The following CSMD1 variants were observed in gnomAD, a reference collection of about 807,000 sequenced individuals.
CSMD1 encodes the protein CUB and Sushi multiple domains 1, also known as CUB and sushi domain-containing protein 1.
CSMD1 carries 213 observed loss-of-function variants against 417.5 expected under a neutral mutation model. The ratio of observed to expected loss-of-function variants is 0.51; its 90% CI spans 0.46 to 0.57. CSMD1 has a LOEUF of 0.57. CSMD1 is among the 20% of genes least tolerant of loss of function. The pLI, the probability that CSMD1 is intolerant of heterozygous loss-of-function variation, is 0.00. For missense variants in CSMD1, 6,923 were observed against 4,529.7 expected, an observed-to-expected ratio of 1.53 and a Z score of -15.17; for synonymous variants, 2,862 against 1,736.8, an observed-to-expected ratio of 1.65 and a Z score of -16.11.
intron 3 of CSMD1, among the ~76,000 whole-genome samples, chr8:4,417,238 G>C (rs1585042635): frequency 6.6e-6 from 1 of 151,924 alleles, no homozygotes; most frequent in Non-Finnish European, 1.5e-5. Flanking sequence ...TAAATTCAAT[G>C]ACTGAACACG....
At chr8:4,641,842 C>T (rs967121021) in intron 1 of CSMD1, among the ~76,000 whole-genome samples, 9 of 151,972 alleles carry the variant, frequency 5.9e-5, no homozygotes, top group African/African-American at 1.9e-4. Context: ...TAATCAATGC[C>T]CATTGAAGGA....
intron 5 of CSMD1, among the ~76,000 whole-genome samples, chr8:3,806,789 A>C (rs1001700087): frequency 2.4e-4 from 37 of 152,352 alleles, no homozygotes; most frequent in Admixed American, 2.1e-3. Flanking sequence ...TTAGCTACTA[A>C]ATACTAGGTG....
intron 1 of CSMD1, among the ~76,000 whole-genome samples, chr8:4,785,876 G>T (rs1006459339): frequency 6.6e-6 from 1 of 152,038 alleles, no homozygotes; most frequent in Non-Finnish European, 1.5e-5. Flanking sequence ...GACACAACGG[G>T]GCCTGGATTT....
chr8:3,092,036 A>G (rs1277330056), intron 47 of CSMD1, among the ~76,000 whole-genome samples: 1 of 152,224 alleles, frequency 6.6e-6, no homozygotes, highest in East Asian at 1.9e-4. Flanking sequence ...AAAGTAGTAG[A>G]ATCACTTTGG....
chr8:2,986,696 G>T (rs989924584), intron 54 of CSMD1, among the ~76,000 whole-genome samples: 1 of 152,002 alleles, frequency 6.6e-6, no homozygotes, highest in African/African-American at 2.4e-5. Context: ...AGTAGAGACG[G>T]GTTTTCACTC....
chr8:3,693,546 C>A (rs994738297), intron 7 of CSMD1, among the ~76,000 whole-genome samples: 8 of 152,078 alleles, frequency 5.3e-5, no homozygotes, highest in Non-Finnish European at 1.0e-4. Flanking sequence ...TTACTGAGCC[C>A]TACAATGTCC....
intron 7 of CSMD1, among the ~76,000 whole-genome samples, chr8:3,678,117 G>A (rs1799474095): frequency 6.6e-6 from 1 of 152,128 alleles, no homozygotes; most frequent in Non-Finnish European, 1.5e-5. Context: ...CGACGCAGAA[G>A]ACAGGTGATT....
chr8:4,211,087 C>G (rs1252493809), intron 3 of CSMD1, among the ~76,000 whole-genome samples: 3 of 151,880 alleles, frequency 2.0e-5, no homozygotes, highest in African/African-American at 7.3e-5. Flanking sequence ...TATCATTGTA[C>G]ATTACATTTT....
intron 1 of CSMD1, among the ~76,000 whole-genome samples, chr8:4,898,066 G>C (rs1479866929): frequency 6.6e-6 from 1 of 152,074 alleles, no homozygotes; most frequent in Non-Finnish European, 1.5e-5. Flanking sequence ...TTATTAGTTG[G>C]AAATATTTAG....
chr8:3,556,408 T>TACACACACAC (rs1308023639), intron 10 of CSMD1, among the ~76,000 whole-genome samples: 2 of 134,636 alleles, frequency 1.5e-5, no homozygotes, highest in African/African-American at 6.6e-5. Flanking sequence ...TATATATATA[T>TACACACACAC]ATATATTCAC....
At position 3,947,563 on chromosome 8, in the gene CSMD1, G is replaced by C. The variant is rs182484129; in HGVS notation, c.818+50340C>G. Among the ~76,000 whole-genome samples the C allele has an allele frequency of 5.8e-4, 88 of 152,026 alleles. 1 individual carries two copies. Among genetic ancestry groups the C allele is most frequent in the South Asian group, 2.9e-3 (14 of 4,808 alleles). On this transcript the variant is annotated intron_variant, in intron 5 of 69. Coordinates refer to ENST00000635120, the MANE Select transcript of CSMD1 (RefSeq NM_033225.6). Reference sequence around the variant, plus strand: ...ACCCACGGGAAAGCTCCTTATATTTGGAAATTAAATAAACCATGGGTTATA... The same window carrying C: ...ACCCACGGGAAAGCTCCTTATATTTCGAAATTAAATAAACCATGGGTTATA...
chr8:3,182,367 A>G (rs1821390104), intron 36 of CSMD1, among the ~76,000 whole-genome samples: 1 of 152,110 alleles, frequency 6.6e-6, no homozygotes, highest in African/African-American at 2.4e-5. Context: ...GGCATGCTCC[A>G]CCATGTCCTG....
intron 12 of CSMD1, among the ~76,000 whole-genome samples, chr8:3,423,434 C>T (rs747697402): frequency 6.6e-6 from 1 of 152,202 alleles, no homozygotes; most frequent in Non-Finnish European, 1.5e-5. Flanking sequence ...AGGGTACACA[C>T]ATTTTTGTCT....
chr8:3,963,418 T>G (rs1015962417), intron 5 of CSMD1, among the ~76,000 whole-genome samples: 5 of 152,170 alleles, frequency 3.3e-5, no homozygotes, highest in African/African-American at 4.8e-5. Flanking sequence ...CTAAGTAGCT[T>G]GAAAATATCT....
chr8:3,294,980 A>G (rs1035642760), intron 25 of CSMD1, among the ~76,000 whole-genome samples: 1 of 152,018 alleles, frequency 6.6e-6, no homozygotes, highest in Non-Finnish European at 1.5e-5. Context: ...CATCCCATTT[A>G]TATTTTTAGA....
At chr8:4,505,373 T>G (rs1016252608) in intron 2 of CSMD1, among the ~76,000 whole-genome samples, 1 of 152,220 alleles carries the variant, frequency 6.6e-6, no homozygotes, top group Non-Finnish European at 1.5e-5. Flanking sequence ...CCTAATTCTG[T>G]AAATAAATTT....
At chr8:2,985,646 TCAAA>T (rs1264820694) in intron 54 of CSMD1, among the ~76,000 whole-genome samples, 1 of 152,200 alleles carries the variant, frequency 6.6e-6, no homozygotes, top group East Asian at 1.9e-4. Flanking sequence ...AGGGCACTGT[TCAAA>T]CAAACATTGT....
At chr8:4,853,578 C>G (rs939604862) in intron 1 of CSMD1, among the ~76,000 whole-genome samples, 11 of 152,296 alleles carry the variant, frequency 7.2e-5, no homozygotes, top group Non-Finnish European at 1.5e-4. Flanking sequence ...AAGGTAGAGT[C>G]CCACACAGAT....
intron 3 of CSMD1, among the ~76,000 whole-genome samples, chr8:4,378,640 G>A (rs1802905845): frequency 6.6e-6 from 1 of 152,156 alleles, no homozygotes; most frequent in Admixed American, 6.5e-5. Context: ...AAAAGAATAG[G>A]TGGATAGCAG....
Sources: gnomAD v4.1 joint callset for allele counts (sites outside exome capture counted in the v4.1 genomes callset) on GRCh38, gnomAD v4.1.1 for gene constraint, MANE v1.5 for transcripts, NCBI Gene and HGNC (gene_info 2026-07-23, HGNC 2026-07-21) for gene names.